The following GSTA5 variants were observed in gnomAD, a reference collection of about 807,000 sequenced individuals.
GSTA5 encodes glutathione S-transferase alpha 5, also known as glutathione S-transferase A5.
GSTA5 carries 25 observed loss-of-function variants against 21.8 expected under a neutral mutation model. That is an observed-to-expected ratio of 1.14 (90% CI 0.83 to 1.60). GSTA5 has a LOEUF of 1.60. Among genes scored for constraint, GSTA5 ranks in the 40% most tolerant of loss-of-function variants. The pLI is 0.00. For missense variants in GSTA5, 330 were observed against 259.2 expected, an observed-to-expected ratio of 1.27 and a Z score of -1.88; for synonymous variants, 102 against 89.5, an observed-to-expected ratio of 1.14 and a Z score of -0.78.
At chr6:52,832,107 G>GAC in intron 5 of GSTA5, 137 bp from the exon 6 acceptor site, 2 of 1,187,518 alleles carry the variant, frequency 1.7e-6, no homozygotes, top group Non-Finnish European at 1.2e-6. Flanking sequence ...GGCAGAAACA[G>GAC]ACACCCAGTG....
intron 1 of GSTA5, among the ~76,000 whole-genome samples, chr6:52,839,409 G>T (rs1423652368): frequency 6.6e-6 from 1 of 152,160 alleles, no homozygotes; most frequent in Non-Finnish European, 1.5e-5. Context: ...GTGAAACAGG[G>T]TATTCATTTG....
At chr6:52,834,444 TAG>T (rs1764265271) in intron 3 of GSTA5, among the ~76,000 whole-genome samples, 162 bp from the exon 4 acceptor site, 1 of 152,214 alleles carries the variant, frequency 6.6e-6, no homozygotes, top group South Asian at 2.1e-4. Context: ...TACAGGTATA[TAG>T]TCATTATGTT....
At chr6:52,832,206 T>C (rs1480673909) in intron 5 of GSTA5, among the ~76,000 whole-genome samples, 1 of 152,262 alleles carries the variant, frequency 6.6e-6, no homozygotes. Context: ...CATCCCTATC[T>C]TTCTCCTTAC....
intron 1 of GSTA5, among the ~76,000 whole-genome samples, chr6:52,838,193 G>T (rs1289465343): frequency 3.3e-5 from 5 of 152,174 alleles, no homozygotes; most frequent in Admixed American, 2.0e-4. Flanking sequence ...ATTTAATAAA[G>T]GAATTAGAGT....
chr6:52,832,152 C>T (rs111789707), intron 5 of GSTA5, among the ~76,000 whole-genome samples, 182 bp from the exon 6 acceptor site: 8 of 152,328 alleles, frequency 5.3e-5, no homozygotes, highest in African/African-American at 1.9e-4. Context: ...ATGTAGCTCA[C>T]TTTATTTTCC....
At chr6:52,834,877 G>T (rs1341348683) in intron 3 of GSTA5, among the ~76,000 whole-genome samples, 1 of 152,124 alleles carries the variant, frequency 6.6e-6, no homozygotes, top group African/African-American at 2.4e-5. Context: ...AGCCATGTGT[G>T]CCTTTCCTGA....
At chr6:52,840,927 A>C, upstream of GSTA5, 3 of 886,494 alleles carry the variant, frequency 3.4e-6, no homozygotes, top group Non-Finnish European at 3.4e-6. Context: ...ACAATGCTGA[A>C]GAAGAACCTG....
intron 2 of GSTA5, among the ~76,000 whole-genome samples, chr6:52,837,315 G>A (rs1377582051): frequency 1.3e-5 from 2 of 152,142 alleles, no homozygotes; most frequent in African/African-American, 2.4e-5. Flanking sequence ...ACAGAAAAAG[G>A]GCTTTCCCCG....
intron 3 of GSTA5, among the ~76,000 whole-genome samples, chr6:52,835,865 A>C (rs1166657623): frequency 6.6e-6 from 1 of 152,106 alleles, no homozygotes; most frequent in Admixed American, 6.5e-5. Context: ...CCAGGCCTTC[A>C]TCTACAGACT....
chr6:52,834,249 C>G, exon 4 of GSTA5: 1 of 1,613,968 alleles, frequency 6.2e-7, no homozygotes. Context: ...TCATTTCAGT[C>G]AAATCTACTA....
At chr6:52,844,898 G>A (rs6458882), upstream of GSTA5, among the ~76,000 whole-genome samples, 149,866 of 152,230 alleles carry the variant, frequency 0.98, 73,817 homozygotes, top group East Asian at 1. Flanking sequence ...AACAATCTAT[G>A]TATATGTATC....
exon 6 of GSTA5, chr6:52,831,819 G>A (rs773960966): frequency 9.9e-6 from 16 of 1,612,892 alleles, no homozygotes; most frequent in Non-Finnish European, 1.4e-5. Flanking sequence ...TATTGGTCTG[G>A]CATGTTCTTG....
upstream of GSTA5, among the ~76,000 whole-genome samples, chr6:52,842,071 G>T (rs930455809): frequency 3.3e-5 from 5 of 152,204 alleles, no homozygotes; most frequent in Non-Finnish European, 7.3e-5. Flanking sequence ...TCACCTGCTT[G>T]TTGTAAATGG....
chr6:52,843,789 A>C (rs953909229), upstream of GSTA5, among the ~76,000 whole-genome samples: 3 of 152,238 alleles, frequency 2.0e-5, no homozygotes, highest in Admixed American at 2.0e-4. Context: ...TAGAGTTCAC[A>C]GTGTCATGAT....
chr6:52,833,024 T>C lies in GSTA5; in HGVS notation c.415-34A>G, dbSNP rs534481142. 9 of 1,613,270 alleles carry C rather than the reference T, an allele frequency of 5.6e-6. No homozygotes were observed. The African/African-American group carries it at 1.1e-4, about 19-fold the overall frequency. On this transcript the variant is annotated intron_variant, in intron 4 of 5. Coordinates refer to ENST00000370989, the Ensembl canonical transcript of GSTA5. ...TTGGAGGAATCAGATCAGGAACACA[T>C]GCACACCCAGGCTGGGACCCCTGCT... is the stretch of plus-strand genomic sequence containing the variant.
chr6:52,845,060 T>G (rs1764434858), upstream of GSTA5, among the ~76,000 whole-genome samples: 1 of 152,182 alleles, frequency 6.6e-6, no homozygotes, highest in Non-Finnish European at 1.5e-5. Flanking sequence ...CATGGAACTC[T>G]AGTAGGAATA....
chr6:52,836,791 T>C (rs2397121), intron 2 of GSTA5, among the ~76,000 whole-genome samples: 151,833 of 152,378 alleles, frequency 1, 75,649 homozygotes, highest in Middle Eastern at 1. Flanking sequence ...GGATTACAGG[T>C]GTGAGCCACC....
chr6:52,845,254 G>A (rs1764438219), upstream of GSTA5, among the ~76,000 whole-genome samples: 2 of 152,124 alleles, frequency 1.3e-5, no homozygotes, highest in Non-Finnish European at 2.9e-5. Context: ...GCCTTGCTTA[G>A]CCCCATGAAT....
chr6:52,844,834 A>G (rs1764431698), upstream of GSTA5, among the ~76,000 whole-genome samples: 1 of 152,214 alleles, frequency 6.6e-6, no homozygotes, highest in African/African-American at 2.4e-5. Context: ...CACATTGAGT[A>G]GCCCATGGAT....
Sources: gnomAD v4.1 joint callset for allele counts (sites outside exome capture counted in the v4.1 genomes callset) on GRCh38, gnomAD v4.1.1 for gene constraint, MANE v1.5 for transcripts, NCBI Gene and HGNC (gene_info 2026-07-23, HGNC 2026-07-21) for gene names.